The following AKAIN1 variants were observed in gnomAD, a reference collection of about 807,000 sequenced individuals.
AKAIN1 encodes the protein A-kinase anchor protein inhibitor 1.
AKAIN1 carries 3 observed loss-of-function variants against 3.7 expected under a neutral mutation model. That is an observed-to-expected ratio of 0.82 (90% confidence interval 0.37 to 2.12). The LOEUF is 2.12. Ranked by LOEUF, AKAIN1 falls within the 30% of genes most tolerant of loss-of-function variation. AKAIN1 has a pLI of 0.06. For missense variants in AKAIN1, 82 were observed against 82.7 expected, an observed-to-expected ratio of 0.99 and a Z score of 0.03; for synonymous variants, 31 against 30.8, an observed-to-expected ratio of 1.01 and a Z score of -0.02.
At chr18:5,174,072 C>T in intron 1 of AKAIN1, among the ~76,000 whole-genome samples, 1 of 152,144 alleles carries the variant, frequency 6.6e-6, no homozygotes, top group East Asian at 1.9e-4. Context: ...TCCTGGCTAC[C>T]TATGCCAGCT....
chr18:5,167,116 G>T (rs1302347316), intron 1 of AKAIN1, among the ~76,000 whole-genome samples: 1 of 152,080 alleles, frequency 6.6e-6, no homozygotes, highest in Non-Finnish European at 1.5e-5. Flanking sequence ...CACCAAAACA[G>T]ACACAGATGG....
At position 5,143,414 on chromosome 18, in the gene AKAIN1, C is replaced by A. The variant is rs2071031835; in HGVS notation, c.*2148G>T. On this transcript the variant is annotated 3_prime_UTR_variant, in exon 2 of 2. Coordinates refer to ENST00000434239, the MANE Select transcript of AKAIN1 (RefSeq NM_001145194.2). The stretch of plus-strand genomic sequence containing the variant: ...TCCATCTCAAAAATTATGGCAGACA[C>A]TCTACCTTCCAGACCCACTTACCTT... Among the ~76,000 whole-genome samples the A allele has an allele frequency of 6.6e-6, 1 of 152,182 alleles. No homozygotes were observed. Among genetic ancestry groups the A allele is most frequent in the Non-Finnish European group, 1.5e-5 (1 of 68,036 alleles).
chr18:5,192,384 A>ATTTTCTTTCTTTCTTTCTTTCT lies in AKAIN1; in HGVS notation c.16+4632_16+4653dup, dbSNP rs1567880932. Among the ~76,000 whole-genome samples the ATTTTCTTTCTTTCTTTCTTTCT allele has an allele frequency of 3.1e-4, 30 of 97,828 alleles. 1 individual carries two copies. The highest frequency in any genetic ancestry group is 1.1e-3 in the African/African-American group (24 of 21,908). The allele number at this position is 97,828 out of a possible 152,430, so 64.2% of individuals were successfully genotyped here. A position where few individuals can be genotyped will look rare whatever the true frequency, so the allele number is the denominator to read the frequency against. ...AGGCATGTGCAACCACACAGAGCTA[A>ATTTTCTTTCTTTCTTTCTTTCT]TTTTCTTTCTTTCTTTCTTTCTTTC... On this transcript the variant is annotated intron_variant, in intron 1 of 1. Coordinates refer to ENST00000434239, the MANE Select transcript of AKAIN1 (RefSeq NM_001145194.2).
rs556483181 is a variant in AKAIN1, at chr18:5,148,536, G to A, written c.17-2781C>T. Among the ~76,000 whole-genome samples, 528 of 152,276 alleles carry A rather than the reference G, an allele frequency of 3.5e-3. 3 individuals are homozygous for A. The highest frequency in any genetic ancestry group is 0.012 in the African/African-American group (505 of 41,542). On this transcript the variant is annotated intron_variant, in intron 1 of 1. Transcript: ENST00000434239. Reference sequence around the variant, plus strand: ...TGGGAGGCTATGAAATACATTCACAGGCTGGGCAGCCATATGTCTTTCTGA... The same window carrying A: ...TGGGAGGCTATGAAATACATTCACAAGCTGGGCAGCCATATGTCTTTCTGA...
intron 1 of AKAIN1, among the ~76,000 whole-genome samples, chr18:5,171,460 A>G (rs2071197223): frequency 6.6e-6 from 1 of 152,148 alleles, no homozygotes; most frequent in African/African-American, 2.4e-5. Context: ...GATTAATACC[A>G]AAATATATAA....
chr18:5,194,457 T>C (rs2071337242), intron 1 of AKAIN1, among the ~76,000 whole-genome samples: 1 of 152,222 alleles, frequency 6.6e-6, no homozygotes, highest in African/African-American at 2.4e-5. Context: ...TTATGGCATA[T>C]AAGACTAAAT....
At chr18:5,193,971 G>A (rs1031399502) in intron 1 of AKAIN1, among the ~76,000 whole-genome samples, 8 of 152,070 alleles carry the variant, frequency 5.3e-5, no homozygotes, top group South Asian at 2.1e-4. Flanking sequence ...AATTTTCTAC[G>A]TTCAGTTTAT....
At chr18:5,179,419 G>GTATGTA (rs200947489) in intron 1 of AKAIN1, among the ~76,000 whole-genome samples, 2 of 122,330 alleles carry the variant, frequency 1.6e-5, no homozygotes, top group African/African-American at 3.0e-5. Context: ...ATGTATGTAT[G>GTATGTA]TGTGTATATA....
At chr18:5,162,296 G>A (rs922976033) in intron 1 of AKAIN1, among the ~76,000 whole-genome samples, 2 of 152,066 alleles carry the variant, frequency 1.3e-5, no homozygotes, top group Non-Finnish European at 2.9e-5. Flanking sequence ...TAGAAATCCT[G>A]CTGCTCTGAC....
At chr18:5,173,308 T>G (rs915772434) in intron 1 of AKAIN1, among the ~76,000 whole-genome samples, 1 of 152,166 alleles carries the variant, frequency 6.6e-6, no homozygotes, top group African/African-American at 2.4e-5. Context: ...ATTTTATAGC[T>G]TTCCAAATTT....
chr18:5,145,081 C>T lies in AKAIN1; in HGVS notation c.*481G>A, dbSNP rs2071040759. 6.6e-6 allele frequency among the ~76,000 whole-genome samples: 1 copy of T among 152,108 alleles called. No homozygotes were observed. The highest frequency in any genetic ancestry group is 1.5e-5 in the Non-Finnish European group (1 of 68,026). On this transcript the variant is annotated 3_prime_UTR_variant, in exon 2 of 2. Coordinates refer to ENST00000434239, the MANE Select transcript of AKAIN1 (RefSeq NM_001145194.2). ...TTCTTAATTTGATCTTAGACCTGAACCCACTTAAAGCCTTCAATTTCACAT... is the reference window on the plus strand; with the variant it reads ...TTCTTAATTTGATCTTAGACCTGAATCCACTTAAAGCCTTCAATTTCACAT...
intron 1 of AKAIN1, among the ~76,000 whole-genome samples, chr18:5,187,375 A>G (rs1304024089): frequency 2.6e-5 from 4 of 152,212 alleles, no homozygotes; most frequent in African/African-American, 4.8e-5. Flanking sequence ...CTGGTATAAC[A>G]TAATACCTAC....
At chr18:5,182,562 T>C (rs1440927324) in intron 1 of AKAIN1, among the ~76,000 whole-genome samples, 2 of 152,118 alleles carry the variant, frequency 1.3e-5, no homozygotes, top group Non-Finnish European at 2.9e-5. Flanking sequence ...AACCCAAGCT[T>C]CTGCAACAAC....
rs117038183 is a variant in AKAIN1, at chr18:5,149,296, T to C, written c.17-3541A>G. Among the ~76,000 whole-genome samples, 312 of 152,216 alleles carry C rather than the reference T, an allele frequency of 2.0e-3. 1 individual carries two copies. Among genetic ancestry groups the C allele is most frequent in the Non-Finnish European group, 3.8e-3 (260 of 68,000 alleles). ...CACTTAACAGATAATACATGCCAAA[T>C]AAAAAGCTGCACAAAGCACACATAC... On this transcript the variant is annotated intron_variant, in intron 1 of 1. Transcript: ENST00000434239.
At position 5,144,607 on chromosome 18, in the gene AKAIN1, T is replaced by C. The variant is rs573071934; in HGVS notation, c.*955A>G. Among the ~76,000 whole-genome samples, 2 of 152,286 alleles carry C rather than the reference T, an allele frequency of 1.3e-5. No homozygotes were observed. Among genetic ancestry groups the C allele is most frequent in the Non-Finnish European group, 2.9e-5 (2 of 68,030 alleles). The stretch of plus-strand genomic sequence containing the variant: ...ATTTTCATAATCTCAAAAAAAAAAT[T>C]TAATGTGTGAATGGGAAAAGTTAGT... On this transcript the variant is annotated 3_prime_UTR_variant, in exon 2 of 2. Transcript: ENST00000434239.
chr18:5,197,050 C>G lies in AKAIN1; in HGVS notation c.4G>C (p.Val2Leu). 6.4e-7 allele frequency: 1 copy of G among 1,551,602 alleles called. No individual in the cohort carries two copies. The highest frequency in any genetic ancestry group is 8.7e-7 in the Non-Finnish European group (1 of 1,146,922). ...AGGTGCGGTGTACCTGGAGCGAACA[C>G]CATGATTTCTTCCAGCCGCTACGCC... M[V>L]FAPGEKPGNE... The change falls in exon 1 of 2, where the codon GTG becomes CTG. Residue 2 changes from valine to leucine, a missense_variant. By Grantham distance (32) the Val-to-Leu change is conservative. Coordinates refer to ENST00000434239, the MANE Select transcript of AKAIN1 (RefSeq NM_001145194.2). This position sits in a 1 kb window ranked among gnomAD's most constrained non-coding sequence, Gnocchi z 6.9.
intron 1 of AKAIN1, among the ~76,000 whole-genome samples, chr18:5,195,369 C>T (rs1400375208): frequency 6.6e-6 from 1 of 152,216 alleles, no homozygotes; most frequent in Non-Finnish European, 1.5e-5. Context: ...GTGGCCATCA[C>T]TCACGATCTT....
intron 1 of AKAIN1, among the ~76,000 whole-genome samples, chr18:5,183,366 A>G (rs2071269902): frequency 6.6e-6 from 1 of 152,226 alleles, no homozygotes; most frequent in African/African-American, 2.4e-5. Flanking sequence ...GTTGAATGAT[A>G]CTGTGAGTGA....
chr18:5,151,819 G>C (rs2071081588), intron 1 of AKAIN1, among the ~76,000 whole-genome samples: 1 of 152,158 alleles, frequency 6.6e-6, no homozygotes, highest in Admixed American at 6.5e-5. Flanking sequence ...TACATGTATG[G>C]TACTATGGAG....
Sources: gnomAD v4.1 joint callset for allele counts (sites outside exome capture counted in the v4.1 genomes callset) on GRCh38, gnomAD v4.1.1 for gene constraint, Gnocchi (gnomAD v3.1) non-coding constraint, MANE v1.5 for transcripts, NCBI Gene and HGNC (gene_info 2026-07-23, HGNC 2026-07-21) for gene names.